The following HMGCLL1 variants were observed in gnomAD, a reference collection of about 807,000 sequenced individuals.
The protein encoded by HMGCLL1 is 3-hydroxymethyl-3-methylglutaryl-CoA lyase, cytoplasmic.
HMGCLL1 carries 36 observed loss-of-function variants against 39.1 expected under a neutral mutation model. That is an observed-to-expected ratio of 0.92 (90% CI 0.71 to 1.22). The LOEUF (loss-of-function observed/expected upper bound fraction) is 1.22. Among genes scored for constraint, HMGCLL1 ranks in the 50% most tolerant of loss-of-function variants. The pLI is 0.00. For missense variants in HMGCLL1, 451 were observed against 416.5 expected (o/e 1.08, Z -0.72); for synonymous variants, 149 against 144.0 (o/e 1.03, Z -0.25).
intron 7 of HMGCLL1, among the ~76,000 whole-genome samples, chr6:55,486,903 A>G (rs1460421699): frequency 6.6e-6 from 1 of 152,116 alleles, no homozygotes; most frequent in Non-Finnish European, 1.5e-5. Flanking sequence ...TTAGCTTTGT[A>G]GATGGTGCTT....
Position 55,451,594 on chromosome 6 carries a change from C to T in HMGCLL1, c.796-12035G>A, listed in dbSNP as rs569126020. Among the ~76,000 whole-genome samples, 8 of 150,760 alleles carry T rather than the reference C, an allele frequency of 5.3e-5. No individual in the cohort carries two copies. In the East Asian group the frequency reaches 7.9e-4, roughly 15 times the overall value. On this transcript the variant is annotated intron_variant, in intron 7 of 8. Transcript: ENST00000274901. ...ACAAAAACAAAAACAAAAAAAGTCA[C>T]TTAGGTGGTCAGTTATAGGCAGTTA...
At chr6:55,580,112 G>A (rs901625304), upstream of HMGCLL1, among the ~76,000 whole-genome samples, 1 of 151,968 alleles carries the variant, frequency 6.6e-6, no homozygotes, top group Non-Finnish European at 1.5e-5. Context: ...TGGAGCAAAT[G>A]TAAACCAGGA....
chr6:55,604,869 A>G, the HMGCLL1 span, among the ~76,000 whole-genome samples: 1 of 152,218 alleles, frequency 6.6e-6, no homozygotes, highest in Admixed American at 6.5e-5. Context: ...GCATTTTTAC[A>G]TGTATTAATT....
chr6:55,642,826 G>T, the HMGCLL1 span, among the ~76,000 whole-genome samples: 1 of 151,792 alleles, frequency 6.6e-6, no homozygotes, highest in East Asian at 1.9e-4. Flanking sequence ...ACTGTCTATT[G>T]TTCCCCTCTT....
At chr6:55,445,807 G>A (rs1158874630) in intron 7 of HMGCLL1, among the ~76,000 whole-genome samples, 1 of 152,020 alleles carries the variant, frequency 6.6e-6, no homozygotes, top group Non-Finnish European at 1.5e-5. Flanking sequence ...ATTTTTAGAT[G>A]AGTAACCACA....
chr6:55,651,333 G>A, the HMGCLL1 span, among the ~76,000 whole-genome samples: 1 of 152,072 alleles, frequency 6.6e-6, no homozygotes, highest in African/African-American at 2.4e-5. Context: ...CTTTCTTTAA[G>A]GCAGTGGGTT....
intron 7 of HMGCLL1, among the ~76,000 whole-genome samples, chr6:55,451,998 G>C (rs9475296): frequency 2.0e-5 from 3 of 152,048 alleles, no homozygotes; most frequent in Admixed American, 2.0e-4. Flanking sequence ...AACATAATAA[G>C]TTATTATTCA....
At chr6:55,489,139 T>C (rs1294048667) in intron 7 of HMGCLL1, among the ~76,000 whole-genome samples, 3 of 152,064 alleles carry the variant, frequency 2.0e-5, no homozygotes, top group Non-Finnish European at 4.4e-5. Flanking sequence ...GCATAAAATT[T>C]CCTTGTAAAT....
At chr6:55,465,145 T>C (rs970866003) in intron 7 of HMGCLL1, among the ~76,000 whole-genome samples, 5 of 152,214 alleles carry the variant, frequency 3.3e-5, no homozygotes, top group African/African-American at 1.2e-4. Context: ...GTATTTGGTT[T>C]AAACACATAC....
chr6:55,534,753 CA>C (rs1768917231), intron 3 of HMGCLL1, among the ~76,000 whole-genome samples: 1 of 152,118 alleles, frequency 6.6e-6, no homozygotes, highest in African/African-American at 2.4e-5. Context: ...ATACCATAAG[CA>C]AAAACAAATG....
the HMGCLL1 span, among the ~76,000 whole-genome samples, chr6:55,625,537 C>T: frequency 2.0e-5 from 3 of 152,070 alleles, no homozygotes; most frequent in East Asian, 5.8e-4. Context: ...TATTCAGGCA[C>T]CACCCGAAAA....
chr6:55,491,643 C>G (rs1372635249), intron 7 of HMGCLL1, among the ~76,000 whole-genome samples: 1 of 152,030 alleles, frequency 6.6e-6, no homozygotes, highest in Admixed American at 6.6e-5. Flanking sequence ...ATTAATTAAA[C>G]AGTTTGTTAA....
At chr6:55,514,583 A>T (rs1169304933) in intron 4 of HMGCLL1, among the ~76,000 whole-genome samples, 1 of 152,192 alleles carries the variant, frequency 6.6e-6, no homozygotes, top group East Asian at 1.9e-4. Flanking sequence ...TTAAAATGGA[A>T]GATACTAACT....
the HMGCLL1 span, among the ~76,000 whole-genome samples, chr6:55,603,697 C>A: frequency 6.6e-6 from 1 of 152,118 alleles, no homozygotes; most frequent in Non-Finnish European, 1.5e-5. Context: ...TCTTTTCTTA[C>A]ATCTCACCAG....
intron 5 of HMGCLL1, among the ~76,000 whole-genome samples, chr6:55,504,460 A>G: frequency 6.6e-6 from 1 of 151,712 alleles, no homozygotes; most frequent in East Asian, 1.9e-4. Context: ...CCAGTCTGCT[A>G]AAAACTCTTT....
intron 5 of HMGCLL1, among the ~76,000 whole-genome samples, chr6:55,504,970 T>C (rs559871959): frequency 1.7e-3 from 259 of 151,770 alleles, no homozygotes; most frequent in Non-Finnish European, 2.2e-3. Flanking sequence ...GACATAGTAA[T>C]CATCAACCAT....
chr6:55,477,190 T>A (rs866697875), intron 7 of HMGCLL1, among the ~76,000 whole-genome samples: 1 of 32,276 alleles, frequency 3.1e-5, no homozygotes, highest in Non-Finnish European at 4.6e-5. Context: ...TATTTATATA[T>A]TATATATTAT....
intron 7 of HMGCLL1, among the ~76,000 whole-genome samples, chr6:55,440,045 C>A (rs1390150179): frequency 6.6e-6 from 1 of 152,076 alleles, no homozygotes; most frequent in Non-Finnish European, 1.5e-5. Flanking sequence ...TGTGGGCTCA[C>A]TTTACCCATT....
the HMGCLL1 span, among the ~76,000 whole-genome samples, chr6:55,676,430 C>T: frequency 2.6e-5 from 4 of 152,114 alleles, no homozygotes; most frequent in African/African-American, 4.8e-5. Flanking sequence ...ACTATATTGC[C>T]TTATAAAAAC....
Sources: allele counts gnomAD v4.1 joint callset (sites outside exome capture counted in the v4.1 genomes callset), GRCh38; gene constraint gnomAD v4.1.1; transcripts MANE v1.5; gene names NCBI Gene and HGNC (gene_info 2026-07-23, HGNC 2026-07-21).